Variants in MEIS1 observed in about 807,000 individuals in gnomAD.
The protein encoded by MEIS1 is Meis homeobox 1.
In MEIS1, 5 loss-of-function variants were observed where a neutral mutation model predicts 50.8. The ratio of observed to expected loss-of-function variants is 0.10; its 90% CI spans 0.05 to 0.21. The LOEUF (loss-of-function observed/expected upper bound fraction) is 0.21. MEIS1 is among the 10% of genes least tolerant of loss of function. The probability of loss-of-function intolerance (pLI) is 1.00; values close to 1 mark genes in which losing one functional copy is unlikely to be tolerated. For missense variants in MEIS1, 318 were observed against 517.3 expected (o/e 0.61, Z 3.74); for synonymous variants, 176 against 179.3 (o/e 0.98, Z 0.15).
intron 1 of MEIS1, 123 bp downstream of exon 1, chr2:66,435,991 C>A: frequency 2.5e-6 from 2 of 793,188 alleles, no homozygotes; most frequent in Non-Finnish European, 3.8e-6. Context: ...CTCCTAAAGC[C>A]GTGGCCTAAG....
intron 7 of MEIS1, among the ~76,000 whole-genome samples, chr2:66,482,287 C>T (rs1204053267): frequency 2.0e-5 from 3 of 152,138 alleles, no homozygotes; most frequent in Non-Finnish European, 4.4e-5. Flanking sequence ...TGCCCACCCT[C>T]GTTCATTTGT....
At chr2:66,503,535 T>G (rs1457695593) in intron 7 of MEIS1, among the ~76,000 whole-genome samples, 1 of 152,202 alleles carries the variant, frequency 6.6e-6, no homozygotes. Context: ...CAGTTTGCAG[T>G]TGTACATTTA....
In MEIS1 at chr2:66,568,663, G is replaced by A. The variant is rs1311757884; in HGVS notation, c.1025-4G>A. The A allele has an allele frequency of 6.2e-7, 1 of 1,612,290 alleles. No individual in the cohort carries two copies. Among genetic ancestry groups the A allele is most frequent in the Non-Finnish European group, 8.5e-7 (1 of 1,178,548 alleles). ...TTAAAAAACCACATTCTGTACTTTT[G>A]TAGTAAGTCAAGGAACACCTTATAA... On this transcript the variant is annotated splice_polypyrimidine_tract_variant and splice_region_variant and intron_variant, in intron 10 of 12. Coordinates refer to ENST00000272369, the MANE Select transcript of MEIS1 (RefSeq NM_002398.3).
rs377536427 is a variant in MEIS1 at position 66,496,370 on chromosome 2, A to T, written c.743-15779A>T. Among the ~76,000 whole-genome samples the T allele has an allele frequency of 2.0e-5, 3 of 151,988 alleles. No homozygotes were observed. The East Asian group carries it at 5.8e-4, about 30-fold the overall frequency. On this transcript the variant is annotated intron_variant, in intron 7 of 12. Coordinates refer to ENST00000272369, the MANE Select transcript of MEIS1 (RefSeq NM_002398.3). ...GCTTTTCTTTGATACATAAATGGTG[A>T]GTGAAAAGTAACTCTCCTGTGAGCT... is the stretch of plus-strand genomic sequence containing the variant.
intron 8 of MEIS1, among the ~76,000 whole-genome samples, chr2:66,519,267 A>C (rs1485266551): frequency 6.6e-6 from 1 of 152,180 alleles, no homozygotes; most frequent in Non-Finnish European, 1.5e-5. Context: ...CTTACCTTTG[A>C]TAGATTGAAA....
At chr2:66,460,012 A>C (rs1019855924) in intron 6 of MEIS1, among the ~76,000 whole-genome samples, 3 of 152,184 alleles carry the variant, frequency 2.0e-5, no homozygotes, top group African/African-American at 7.2e-5. Context: ...AATACCTGGA[A>C]AGTGATAAGA....
At chr2:66,446,581 G>A (rs1672153304) in intron 6 of MEIS1, among the ~76,000 whole-genome samples, 1 of 152,114 alleles carries the variant, frequency 6.6e-6, no homozygotes, top group Non-Finnish European at 1.5e-5. Flanking sequence ...TTCAACAGCA[G>A]CTCTCCGGGG....
intron 8 of MEIS1, among the ~76,000 whole-genome samples, chr2:66,513,270 T>A (rs1673876924): frequency 6.6e-6 from 1 of 152,204 alleles, no homozygotes; most frequent in South Asian, 2.1e-4. Context: ...TGTTTTTTAA[T>A]ATCAGGAGAA....
At chr2:66,498,114 G>A (rs886604019) in intron 7 of MEIS1, among the ~76,000 whole-genome samples, 2 of 152,156 alleles carry the variant, frequency 1.3e-5, no homozygotes, top group African/African-American at 4.8e-5. Flanking sequence ...GACAAGAGTA[G>A]CAATGGTCAT....
At chr2:66,517,092 T>G (rs952802797) in intron 8 of MEIS1, among the ~76,000 whole-genome samples, 1 of 152,188 alleles carries the variant, frequency 6.6e-6, no homozygotes, top group Admixed American at 6.5e-5. Context: ...TCTGCCAGTT[T>G]GAACAGTGAA....
Position 66,528,813 on chromosome 2 carries a change from A to G in MEIS1, c.888+16519A>G, listed in dbSNP as rs115876737. ...TAAAATCCTTTGATATCTCCCTACT[A>G]CCCGTAGGATATGAGACAAACATCC... On this transcript the variant is annotated intron_variant, in intron 8 of 12. Transcript: ENST00000272369. Among the ~76,000 whole-genome samples the G allele has an allele frequency of 9.6e-3, 1,466 of 151,924 alleles. 19 individuals carry two copies. Among genetic ancestry groups the G allele is most frequent in the African/African-American group, 0.034 (1,398 of 41,410 alleles).
intron 11 of MEIS1, 46 bp from the exon 12 acceptor site, chr2:66,569,004 T>A (rs932366934): frequency 6.4e-7 from 1 of 1,557,658 alleles, no homozygotes; most frequent in Non-Finnish European, 8.9e-7. Flanking sequence ...ATCTGTTGAC[T>A]TTGCTCATTT....
intron 7 of MEIS1, among the ~76,000 whole-genome samples, chr2:66,473,051 A>G (rs1672799241): frequency 6.6e-6 from 1 of 152,104 alleles, no homozygotes; most frequent in South Asian, 2.1e-4. Flanking sequence ...TTAAAATTCA[A>G]TCTTCTAAAT....
intron 7 of MEIS1, among the ~76,000 whole-genome samples, chr2:66,473,397 A>AAAAAAAAAAATATAT: frequency 1.9e-5 from 2 of 107,614 alleles, no homozygotes; most frequent in African/African-American, 1.2e-4. Flanking sequence ...AAAAAAAAAA[A>AAAAAAAAAAATATAT]ATATATATAT....
intron 8 of MEIS1, among the ~76,000 whole-genome samples, chr2:66,546,332 G>A (rs184522242): frequency 7.9e-5 from 12 of 152,276 alleles, no homozygotes; most frequent in Admixed American, 5.2e-4. Flanking sequence ...TATAGGGGTA[G>A]GAAGCGGGTG....
intron 7 of MEIS1, among the ~76,000 whole-genome samples, chr2:66,467,259 A>G (rs373368884): frequency 2.0e-5 from 3 of 152,212 alleles, no homozygotes; most frequent in East Asian, 1.9e-4. Flanking sequence ...TGATCAGTGA[A>G]AGAGTTTTAG....
chr2:66,567,573 A>G, intron 10 of MEIS1, 62 bp downstream of exon 10: 2 of 1,524,016 alleles, frequency 1.3e-6, no homozygotes, highest in Non-Finnish European at 1.8e-6. Flanking sequence ...CAAGCCATTC[A>G]CCGGGAGGTC....
At chr2:66,560,598 G>T in intron 9 of MEIS1, among the ~76,000 whole-genome samples, 1 of 144,418 alleles carries the variant, frequency 6.9e-6, no homozygotes. Context: ...AAAAAAAAAA[G>T]AAAGAAAAGA....
intron 6 of MEIS1, among the ~76,000 whole-genome samples, chr2:66,462,991 T>C (rs908332030): frequency 6.6e-6 from 1 of 152,136 alleles, no homozygotes; most frequent in South Asian, 2.1e-4. Flanking sequence ...GGATCTTTAC[T>C]TTTCTCTCCC....
Sources: allele counts gnomAD v4.1 joint callset (sites outside exome capture counted in the v4.1 genomes callset), GRCh38; gene constraint gnomAD v4.1.1; transcripts MANE v1.5; gene names NCBI Gene and HGNC (gene_info 2026-07-23, HGNC 2026-07-21).